IFT80: variants seen among roughly 807,000 people sequenced by gnomAD.
IFT80 encodes the protein intraflagellar transport protein 80 homolog.
IFT80 carries 79 observed loss-of-function variants against 107.9 expected under a neutral mutation model. The observed-to-expected ratio is 0.73, with a 90% CI of 0.61 to 0.88. The LOEUF (loss-of-function observed/expected upper bound fraction) is 0.88, where lower values mean the gene tolerates loss of function less well. Among genes scored for constraint, IFT80 ranks in the 40% least tolerant of loss-of-function variants. The probability of loss-of-function intolerance (pLI) is 0.00; values close to 1 mark genes in which losing one functional copy is unlikely to be tolerated. For missense variants in IFT80, 797 were observed against 914.2 expected (o/e 0.87, Z 1.65); for synonymous variants, 299 against 300.9 (o/e 0.99, Z 0.07).
intron 12 of IFT80, among the ~76,000 whole-genome samples, chr3:160,294,057 T>C (rs1715784802): frequency 6.6e-6 from 1 of 152,052 alleles, no homozygotes; most frequent in Non-Finnish European, 1.5e-5. Flanking sequence ...CTTTCCTGAG[T>C]TCTGAGTCAT....
At chr3:160,375,776 A>T in intron 5 of IFT80, 36 bp downstream of exon 5, 2 of 1,444,538 alleles carry the variant, frequency 1.4e-6, no homozygotes, top group Non-Finnish European at 1.9e-6. Context: ...GTATTGTATA[A>T]TTTGCAAAAA....
In IFT80 at chr3:160,321,080, T is replaced by C. The variant is rs115813618; in HGVS notation, c.778-1141A>G. ...AATAAAGTTACCAAGGAGAAGATAA[T>C]GAACAAACCATAACCTTTGCTTCAT... On this transcript the variant is annotated intron_variant, in intron 8 of 19. Transcript: ENST00000326448. 4.4e-3 allele frequency among the ~76,000 whole-genome samples: 675 copies of C among 151,972 alleles called. 2 individuals carry two copies. The highest frequency in any genetic ancestry group is 0.01 in the Middle Eastern group (3 of 294).
rs1426458323 is a variant in IFT80, at chr3:160,376,542, C to T, written c.371-662G>A. ...GTATAGGTATGGTGGTTTTAAAACA[C>T]ATCCTCAAATTCTTTCTTATTCTTC... On this transcript the variant is annotated intron_variant, in intron 4 of 19. Transcript: ENST00000326448. 2.6e-5 allele frequency among the ~76,000 whole-genome samples: 4 copies of T among 152,202 alleles called. No homozygotes were observed. In the South Asian group the frequency reaches 8.3e-4, roughly 31 times the overall value.
intron 12 of IFT80, among the ~76,000 whole-genome samples, chr3:160,293,038 C>G (rs1422214506): frequency 6.6e-6 from 1 of 152,090 alleles, no homozygotes; most frequent in Non-Finnish European, 1.5e-5. Flanking sequence ...GCGGAAATAG[C>G]CTGTTTGCTC....
chr3:160,324,331 G>C (rs1718507041), intron 8 of IFT80, among the ~76,000 whole-genome samples: 1 of 152,070 alleles, frequency 6.6e-6, no homozygotes, highest in Non-Finnish European at 1.5e-5. Flanking sequence ...AACCAAAAAA[G>C]AGAATTTTAG....
chr3:160,355,358 C>T (rs1300310650), intron 8 of IFT80, among the ~76,000 whole-genome samples: 2 of 152,194 alleles, frequency 1.3e-5, no homozygotes, highest in Admixed American at 6.5e-5. Flanking sequence ...CAGTGAGCCT[C>T]CCACCTCAGT....
Position 160,300,910 on chromosome 3 carries a change from C to T in IFT80, c.1288G>A (p.Ala430Thr), listed in dbSNP as rs1716375276. ...TTTTCATCAGCTTTGTCTCTTATTG[C>T]TATGGTATCATTACTCAAAGACACA... is the stretch of plus-strand genomic sequence containing the variant. ...QTVSLSNDTIAIRDKADEKII... is the reference protein window; with the variant it reads ...QTVSLSNDTITIRDKADEKII... Residue 430 changes from alanine (A) to threonine (T), a missense_variant, in exon 12 of 20, where the codon GCA (alanine) becomes ACA (threonine). Transcript: ENST00000326448. 1 of 1,608,654 alleles carries T rather than the reference C, an allele frequency of 6.2e-7. No individual in the cohort carries two copies. Among genetic ancestry groups the T allele is most frequent in the Non-Finnish European group, 8.5e-7 (1 of 1,177,404 alleles).
chr3:160,277,875 G>A (rs181646628), intron 16 of IFT80, among the ~76,000 whole-genome samples: 2 of 151,956 alleles, frequency 1.3e-5, no homozygotes, highest in African/African-American at 4.8e-5. Context: ...ACTTTTGAAT[G>A]AAATTTTCAA....
At chr3:160,393,846 A>C (rs1713563951) in intron 1 of IFT80, among the ~76,000 whole-genome samples, 1 of 152,224 alleles carries the variant, frequency 6.6e-6, no homozygotes. Context: ...AATGTGAAGA[A>C]TAGATAAGAA....
intron 8 of IFT80, among the ~76,000 whole-genome samples, chr3:160,354,021 T>C (rs969632208): frequency 6.6e-6 from 1 of 152,190 alleles, no homozygotes; most frequent in Non-Finnish European, 1.5e-5. Context: ...GTTGAGTATC[T>C]ACTGTGTTGT....
chr3:160,357,623 C>G, intron 6 of IFT80, 45 bp from the exon 7 acceptor site: 1 of 1,318,266 alleles, frequency 7.6e-7, no homozygotes, highest in Non-Finnish European at 1.1e-6. Context: ...TTTAAAAGCA[C>G]TTAAGTTTTT....
At chr3:160,394,803 T>C (rs1233096390) in intron 1 of IFT80, among the ~76,000 whole-genome samples, 1 of 152,108 alleles carries the variant, frequency 6.6e-6, no homozygotes, top group Non-Finnish European at 1.5e-5. Flanking sequence ...TACATGTTGA[T>C]ATAGAAAGAT....
chr3:160,385,285 A>T (rs1358901134), intron 1 of IFT80, among the ~76,000 whole-genome samples: 1 of 152,274 alleles, frequency 6.6e-6, no homozygotes, highest in African/African-American at 2.4e-5. Flanking sequence ...CAGCCATATC[A>T]TCAAAAGACA....
chr3:160,351,838 A>G (rs1720729904), intron 8 of IFT80, among the ~76,000 whole-genome samples: 1 of 151,892 alleles, frequency 6.6e-6, no homozygotes. Context: ...CAAGGCAGAA[A>G]ATGAGCAAAA....
intron 6 of IFT80, among the ~76,000 whole-genome samples, chr3:160,359,113 T>C: frequency 6.6e-6 from 1 of 152,248 alleles, no homozygotes; most frequent in East Asian, 1.9e-4. Flanking sequence ...TATGTTTTTA[T>C]GCTCAAGAAG....
intron 5 of IFT80, among the ~76,000 whole-genome samples, chr3:160,369,717 T>C (rs992620188): frequency 1.4e-4 from 22 of 152,214 alleles, no homozygotes; most frequent in African/African-American, 4.3e-4. Context: ...AGCCTTTGCA[T>C]TGAATTACTT....
chr3:160,282,409 A>G, intron 14 of IFT80, 69 bp downstream of exon 14: 1 of 1,094,816 alleles, frequency 9.1e-7, no homozygotes, highest in Admixed American at 2.4e-5. Context: ...AGATTCATTC[A>G]AATTATTTAT....
In IFT80 at chr3:160,319,899, A is replaced by T. The variant is rs1718079912; in HGVS notation, c.818T>A (p.Phe273Tyr). 1 of 1,612,454 alleles carries T rather than the reference A, an allele frequency of 6.2e-7. No individual in the cohort carries two copies. Among genetic ancestry groups the T allele is most frequent in the African/African-American group, 1.3e-5 (1 of 74,982 alleles). Residue 273 changes from phenylalanine to tyrosine, a missense_variant, in exon 9 of 20, where the codon TTT becomes TAT. Coordinates refer to ENST00000326448, the MANE Select transcript of IFT80 (RefSeq NM_020800.3). ...GCCATCGATAGACCATGCAATATTA[A>T]ATATGCTGCCAGTGTTGGGTTTTTC... ...ALEKPNTGSI[F>Y]NIAWSIDGTQ...
At chr3:160,274,093 C>T (rs1312809506) in intron 18 of IFT80, among the ~76,000 whole-genome samples, 1 of 152,012 alleles carries the variant, frequency 6.6e-6, no homozygotes, top group African/African-American at 2.4e-5. Context: ...ATAAGGATAG[C>T]AGGGAAAGTT....
Sources: gnomAD v4.1 joint callset for allele counts (sites outside exome capture counted in the v4.1 genomes callset) on GRCh38, gnomAD v4.1.1 for gene constraint, MANE v1.5 for transcripts, NCBI Gene and HGNC (gene_info 2026-07-23, HGNC 2026-07-21) for gene names.